Variants in RPS6KA6 observed in about 807,000 individuals in gnomAD.
RPS6KA6 encodes ribosomal protein S6 kinase A6, also known as ribosomal protein S6 kinase alpha-6.
In RPS6KA6, 27 loss-of-function variants were observed where a neutral mutation model predicts 65.4. That is an observed-to-expected ratio of 0.41 (90% CI 0.30 to 0.57). The LOEUF is 0.57. Ranked by LOEUF, RPS6KA6 falls within the 20% of genes least tolerant of loss-of-function variation. The pLI, the probability that RPS6KA6 is intolerant of heterozygous loss-of-function variation, is 0.24. For synonymous variants in RPS6KA6, 190 were observed against 184.2 expected, an observed-to-expected ratio of 1.03 and a Z score of -0.26; for missense variants, 486 against 555.6, an observed-to-expected ratio of 0.87 and a Z score of 1.26.
chrX:84,159,106 C>T (rs6622937), intron 2 of RPS6KA6, among the ~76,000 whole-genome samples: 6,787 of 110,631 alleles, frequency 0.061, 226 homozygotes, highest in East Asian at 0.2. Context: ...AGCTACTTAA[C>T]ACTTTTATCA....
At chrX:84,104,780 A>G (rs755061860) in intron 16 of RPS6KA6, 123 bp from the exon 17 acceptor site, 97 of 433,997 alleles carry the variant, frequency 2.2e-4, no homozygotes, top group Non-Finnish European at 3.4e-4. Flanking sequence ...AACAAAAAAG[A>G]CATTATTCCT....
At chrX:84,085,014 G>T (rs775349073) in intron 20 of RPS6KA6, among the ~76,000 whole-genome samples, 3 of 111,368 alleles carry the variant, frequency 2.7e-5, no homozygotes, top group Non-Finnish European at 3.8e-5. Flanking sequence ...CTTGCCTGTT[G>T]TTGGGGCATA....
chrX:84,065,131 T>C lies in RPS6KA6; in HGVS notation c.1972-20A>G. The C allele has an allele frequency of 9.0e-7, 1 of 1,107,586 alleles. No homozygotes were observed. Among genetic ancestry groups the C allele is most frequent in the Non-Finnish European group, 1.2e-6 (1 of 811,122 alleles). The allele number at this position is 1,107,586 out of a possible 1,213,427, so 91.3% of individuals were successfully genotyped here. A position where few individuals can be genotyped will look rare whatever the true frequency, so the allele number is the denominator to read the frequency against. On this transcript the variant is annotated intron_variant, in intron 20 of 21. Coordinates refer to ENST00000262752, the MANE Select transcript of RPS6KA6 (RefSeq NM_014496.5). ...CAAATCCTAAATTAAAAAAAATGTG[T>C]GTGTATATATATATACATGTATACA...
At chrX:84,170,594 C>T (rs779505170) in intron 1 of RPS6KA6, among the ~76,000 whole-genome samples, 3 of 110,686 alleles carry the variant, frequency 2.7e-5, no homozygotes, top group African/African-American at 9.9e-5. Context: ...CACGCCACTG[C>T]ATTCCAGCCT....
chrX:84,112,590 T>C, intron 12 of RPS6KA6, among the ~76,000 whole-genome samples: 1 of 110,800 alleles, frequency 9.0e-6, no homozygotes, highest in Middle Eastern at 4.7e-3. Context: ...AACAACAAAA[T>C]CAAGGCAGGA....
chrX:84,076,579 G>C (rs932377283), intron 20 of RPS6KA6, among the ~76,000 whole-genome samples: 1 of 111,469 alleles, frequency 9.0e-6, no homozygotes, highest in Non-Finnish European at 1.9e-5. Context: ...ATAGGAAAAG[G>C]CTTAGACAAA....
chrX:84,083,932 T>C (rs1350954246), intron 20 of RPS6KA6, among the ~76,000 whole-genome samples: 1 of 112,546 alleles, frequency 8.9e-6, no homozygotes, highest in East Asian at 2.8e-4. Flanking sequence ...TGTGAAATGG[T>C]ATCTCATTGT....
chrX:84,164,457 A>G (rs1179146036), intron 1 of RPS6KA6, 70 bp from the exon 2 acceptor site: 4 of 733,487 alleles, frequency 5.5e-6, no homozygotes, highest in East Asian at 6.6e-5. Context: ...GAAAAATATA[A>G]CCCTAGGCAT....
chrX:84,183,814 C>A (rs6622948), intron 1 of RPS6KA6, among the ~76,000 whole-genome samples: 6,722 of 110,018 alleles, frequency 0.061, 227 homozygotes, highest in East Asian at 0.2. Context: ...CACCACCACC[C>A]CCACCACCAC....
intron 8 of RPS6KA6, among the ~76,000 whole-genome samples, chrX:84,124,335 A>G (rs975160465): frequency 8.9e-6 from 1 of 112,389 alleles, no homozygotes; most frequent in Non-Finnish European, 1.9e-5. Flanking sequence ...TTCTGGAGAA[A>G]CAGATAGATA....
At position 84,064,256 on chromosome X, in the gene RPS6KA6, G is replaced by T. The variant is rs755775166; in HGVS notation, c.*21C>A. On this transcript the variant is annotated 3_prime_UTR_variant, in exon 22 of 22. Coordinates refer to ENST00000262752, the MANE Select transcript of RPS6KA6 (RefSeq NM_014496.5). ...ATTTAATTTCATCTTCATCCAGTTTGGCCTAGGAACACCACAAATCTTACA... is the reference window on the plus strand; with the variant it reads ...ATTTAATTTCATCTTCATCCAGTTTTGCCTAGGAACACCACAAATCTTACA... 8.3e-7 allele frequency: 1 copy of T among 1,202,620 alleles called. No homozygotes were observed. Among genetic ancestry groups the T allele is most frequent in the East Asian group, 3.0e-5 (1 of 33,692 alleles).
At chrX:84,102,236 T>TGC in intron 17 of RPS6KA6, 38 bp from the exon 18 acceptor site, 1 of 679,931 alleles carries the variant, frequency 1.5e-6, no homozygotes, top group Non-Finnish European at 2.0e-6. Context: ...ATCTATATAA[T>TGC]TAACTAAATA....
chrX:84,104,426 G>T (rs759519226), intron 17 of RPS6KA6, 73 bp downstream of exon 17: 7 of 646,826 alleles, frequency 1.1e-5, no homozygotes, highest in Non-Finnish European at 1.5e-5. Context: ...CTTATTTTAG[G>T]TGGCATCATC....
In RPS6KA6 at chrX:84,161,308, G is replaced by A. The variant is rs146586828; in HGVS notation, c.141+3020C>T. On this transcript the variant is annotated intron_variant, in intron 2 of 21. Coordinates refer to ENST00000262752, the MANE Select transcript of RPS6KA6 (RefSeq NM_014496.5). Reference sequence around the variant, plus strand: ...TGAAACTCATAAGTTGAACCATCCTGAGTCAGATACTCTCTGTAGTACTTA... The same window carrying A: ...TGAAACTCATAAGTTGAACCATCCTAAGTCAGATACTCTCTGTAGTACTTA... 9.7e-4 allele frequency among the ~76,000 whole-genome samples: 108 copies of A among 111,406 alleles called. 1 individual carries two copies. The East Asian group carries it at 0.019, about 19-fold the overall frequency.
At chrX:84,065,138 A>ACATG in intron 20 of RPS6KA6, 27 bp from the exon 21 acceptor site, 1 of 1,045,537 alleles carries the variant, frequency 9.6e-7, no homozygotes, top group Non-Finnish European at 1.3e-6. Flanking sequence ...GTGTGTGTAT[A>ACATG]TATATATACA....
chrX:84,109,953 C>T lies in RPS6KA6; in HGVS notation c.1009-2228G>A, dbSNP rs746883889. Among the ~76,000 whole-genome samples the T allele has an allele frequency of 9.9e-5, 11 of 111,329 alleles. No individual in the cohort carries two copies. In the East Asian group the frequency reaches 1.7e-3, roughly 17 times the overall value. ...CTGAGCTCAGAGGGACCCAACCAGA[C>T]GATACTGCCACAGCTAATACCCAAC... On this transcript the variant is annotated intron_variant, in intron 12 of 21. Transcript: ENST00000262752.
chrX:84,187,989 CGCCGCCGCCGCCGCCGCCGCG>C lies in RPS6KA6; in HGVS notation c.-111_-91del. On this transcript the variant is annotated 5_prime_UTR_variant, in exon 1 of 22. Transcript: ENST00000262752. ...TATTGAACTGGCCCGCCGCCGCCGC[CGCCGCCGCCGCCGCCGCCGCG>C]ACCCCCAGCCCCGCCTTCAGCGAGC... 1 of 600,182 alleles carries C rather than the reference CGCCGCCGCCGCCGCCGCCGCG, an allele frequency of 1.7e-6. No individual in the cohort carries two copies. The highest frequency in any genetic ancestry group is 6.1e-5 in the East Asian group (1 of 16,381). The allele number at this position is 600,182 out of a possible 1,213,427, so 49.5% of individuals were successfully genotyped here. A position where few individuals can be genotyped will look rare whatever the true frequency, so the allele number is the denominator to read the frequency against.
At chrX:84,067,185 C>T (rs1035099087) in intron 20 of RPS6KA6, among the ~76,000 whole-genome samples, 34 of 112,011 alleles carry the variant, frequency 3.0e-4, no homozygotes, top group Non-Finnish European at 5.8e-4. Flanking sequence ...AGCACAAAAA[C>T]GCTGAAAATT....
chrX:84,134,076 T>C lies in RPS6KA6; in HGVS notation c.646+706A>G, dbSNP rs1436356951. ...AAATAATAAAATACAGAATTTACTA[T>C]CTATTGAAAACACATGTAACGTTTT... On this transcript the variant is annotated intron_variant, in intron 8 of 21. Transcript: ENST00000262752. 2.7e-5 allele frequency among the ~76,000 whole-genome samples: 3 copies of C among 112,318 alleles called. No homozygotes were observed. The East Asian group carries it at 8.4e-4, about 31-fold the overall frequency.
Sources: allele counts gnomAD v4.1 joint callset (sites outside exome capture counted in the v4.1 genomes callset), GRCh38; gene constraint gnomAD v4.1.1; transcripts MANE v1.5; gene names NCBI Gene and HGNC (gene_info 2026-07-23, HGNC 2026-07-21).